Variants in SMIM35 observed in about 807,000 individuals in gnomAD.
SMIM35 encodes small integral membrane protein 35.
intron 1 of SMIM35, chr11:118,029,956 G>A: frequency 2.8e-6 from 1 of 358,420 alleles, no homozygotes; most frequent in Non-Finnish European, 5.5e-6. Flanking sequence ...TAAAATGATT[G>A]TTGTGGCTTA....
intron 1 of SMIM35, among the ~76,000 whole-genome samples, chr11:118,077,779 A>G (rs1020688839): frequency 2.0e-5 from 3 of 152,142 alleles, no homozygotes; most frequent in Admixed American, 6.6e-5. Flanking sequence ...TGCGAGGCTG[A>G]GGCAGACAGA....
intron 1 of SMIM35, among the ~76,000 whole-genome samples, chr11:118,080,711 G>T (rs1285786333): frequency 6.6e-6 from 1 of 152,176 alleles, no homozygotes; most frequent in Admixed American, 6.5e-5. Context: ...AGGGAGAGAT[G>T]AGAAAAACAG....
intron 3 of SMIM35, among the ~76,000 whole-genome samples, 179 bp from the exon 4 acceptor site, chr11:118,014,059 G>T (rs1408739762): frequency 6.6e-6 from 1 of 152,184 alleles, no homozygotes; most frequent in African/African-American, 2.4e-5. Flanking sequence ...GTGGCAAGTA[G>T]ATGAGATGAC....
At chr11:118,020,203 T>A (rs1273446990) in intron 1 of SMIM35, among the ~76,000 whole-genome samples, 1 of 152,090 alleles carries the variant, frequency 6.6e-6, no homozygotes, top group Non-Finnish European at 1.5e-5. Context: ...GCAGCAGAGG[T>A]TGCAGTGAGC....
At chr11:118,079,688 C>T (rs1364531771) in intron 1 of SMIM35, among the ~76,000 whole-genome samples, 1 of 152,206 alleles carries the variant, frequency 6.6e-6, no homozygotes, top group African/African-American at 2.4e-5. Flanking sequence ...TCCCTCCCAC[C>T]TCCTGTTTTC....
intron 1 of SMIM35, among the ~76,000 whole-genome samples, chr11:118,083,942 C>G (rs2187008): frequency 0.37 from 56,383 of 151,858 alleles, 10,636 homozygotes; most frequent in East Asian, 0.52. Context: ...GGAGGCTGAG[C>G]CAGGAGAATC....
intron 1 of SMIM35, among the ~76,000 whole-genome samples, chr11:118,035,457 A>G (rs1029305097): frequency 2.6e-5 from 4 of 152,278 alleles, no homozygotes; most frequent in Non-Finnish European, 4.4e-5. Flanking sequence ...CTCATGTTCT[A>G]TGAGGAGGTA....
chr11:118,042,850 T>G (rs1018396850), intron 1 of SMIM35, among the ~76,000 whole-genome samples: 1 of 152,360 alleles, frequency 6.6e-6, no homozygotes, highest in South Asian at 2.1e-4. Context: ...TAGTTCAGCA[T>G]CTGAAAATCA....
chr11:118,052,233 G>A (rs1944228537), intron 1 of SMIM35, among the ~76,000 whole-genome samples: 2 of 152,180 alleles, frequency 1.3e-5, no homozygotes, highest in Non-Finnish European at 2.9e-5. Flanking sequence ...TTCCCCAGAG[G>A]AAAACTCAGA....
At chr11:118,033,125 G>T (rs767347531) in intron 1 of SMIM35, among the ~76,000 whole-genome samples, 1 of 152,112 alleles carries the variant, frequency 6.6e-6, no homozygotes, top group Non-Finnish European at 1.5e-5. Flanking sequence ...GAACAATTTT[G>T]GTAGCAGAAA....
intron 1 of SMIM35, among the ~76,000 whole-genome samples, chr11:118,055,429 C>T (rs1944294692): frequency 6.6e-6 from 1 of 152,170 alleles, no homozygotes; most frequent in Admixed American, 6.5e-5. Context: ...GCCACACCTG[C>T]CACCACCACC....
intron 1 of SMIM35, chr11:118,077,377 C>G: frequency 6.7e-7 from 1 of 1,494,838 alleles, no homozygotes; most frequent in Non-Finnish European, 9.0e-7. Context: ...TTCAAGCAGC[C>G]TGAGCATCCA....
At chr11:118,032,943 G>A (rs574293079) in intron 1 of SMIM35, among the ~76,000 whole-genome samples, 1 of 152,210 alleles carries the variant, frequency 6.6e-6, no homozygotes, top group East Asian at 1.9e-4. Flanking sequence ...GGAGTTTTCT[G>A]GAGAGTGAGA....
chr11:118,071,111 C>A (rs189127526), intron 1 of SMIM35, among the ~76,000 whole-genome samples: 3 of 152,340 alleles, frequency 2.0e-5, no homozygotes, highest in Admixed American at 2.0e-4. Context: ...TATTTCCTTA[C>A]CGTGTGTGGC....
chr11:118,069,064 T>TC (rs1230754480), intron 1 of SMIM35, among the ~76,000 whole-genome samples: 2 of 152,082 alleles, frequency 1.3e-5, no homozygotes, highest in Non-Finnish European at 1.5e-5. Context: ...CCCCAGGTCT[T>TC]CCCCCCGTCA....
chr11:118,042,529 T>G (rs1944021765), intron 1 of SMIM35, among the ~76,000 whole-genome samples: 1 of 152,134 alleles, frequency 6.6e-6, no homozygotes, highest in African/African-American at 2.4e-5. Context: ...TGCCAAACAT[T>G]TAAAGAAGAA....
rs546066335 is a variant in SMIM35 at position 118,040,435 on chromosome 11, G to A, written c.8-24626C>T. Among the ~76,000 whole-genome samples, 6 of 152,276 alleles carry A rather than the reference G, an allele frequency of 3.9e-5. 1 individual carries two copies. The South Asian group carries it at 1.0e-3, about 26-fold the overall frequency. Reference sequence around the variant, plus strand: ...TTGGCTTTTCAGCAAAAACATATAGGTCACAGAGAGTGATGCGCAAAGAAA... The same window carrying A: ...TTGGCTTTTCAGCAAAAACATATAGATCACAGAGAGTGATGCGCAAAGAAA... On this transcript the variant is annotated intron_variant, in intron 1 of 4. Coordinates refer to ENST00000689828, the MANE Select transcript of SMIM35 (RefSeq NM_001394165.1).
intron 1 of SMIM35, among the ~76,000 whole-genome samples, chr11:118,016,657 G>T (rs1410700382): frequency 1.3e-5 from 2 of 152,182 alleles, no homozygotes; most frequent in Non-Finnish European, 2.9e-5. Context: ...CTGAAGCCTA[G>T]ATCCACTATT....
At chr11:118,070,025 A>G (rs1395036762) in intron 1 of SMIM35, among the ~76,000 whole-genome samples, 1 of 152,158 alleles carries the variant, frequency 6.6e-6, no homozygotes, top group Non-Finnish European at 1.5e-5. Flanking sequence ...CATGCCATTC[A>G]CCAAGGCAAT....
Sources: gnomAD v4.1 joint callset for allele counts (sites outside exome capture counted in the v4.1 genomes callset) on GRCh38, gnomAD v4.1.1 for gene constraint, MANE v1.5 for transcripts, NCBI Gene and HGNC (gene_info 2026-07-23, HGNC 2026-07-21) for gene names.